SDK1: variants seen among roughly 807,000 people sequenced by gnomAD.
SDK1 encodes the protein protein sidekick-1.
Under a neutral mutation model 245.5 loss-of-function variants are expected in SDK1, and 157 were observed. The ratio of observed to expected loss-of-function variants is 0.64; its 90% CI spans 0.56 to 0.73. The LOEUF is 0.73. SDK1 is among the 30% of genes least tolerant of loss of function. The pLI is 0.00. For missense variants in SDK1, 3,583 were observed against 3,002.3 expected, an observed-to-expected ratio of 1.19 and a Z score of -4.52; for synonymous variants, 1,647 against 1,278.5, an observed-to-expected ratio of 1.29 and a Z score of -6.15.
intron 1 of SDK1, among the ~76,000 whole-genome samples, chr7:3,606,179 C>T (rs370612083): frequency 1.1e-4 from 16 of 152,150 alleles, no homozygotes; most frequent in Admixed American, 7.9e-4. Context: ...ACAACTACAT[C>T]TTTCTGGTTT....
In SDK1 at chr7:3,496,219, C is replaced by G. The variant is rs893320577; in HGVS notation, c.299-122861C>G. Among the ~76,000 whole-genome samples, 9 of 152,174 alleles carry G rather than the reference C, an allele frequency of 5.9e-5. No individual in the cohort carries two copies. The Middle Eastern group carries it at 0.01, about 173-fold the overall frequency. Reference sequence around the variant, plus strand: ...CAGTGGGACCTGTCTCGTGGGATCGCTGGAGGGTCAGATAAGTTAGCATAT... The same window carrying G: ...CAGTGGGACCTGTCTCGTGGGATCGGTGGAGGGTCAGATAAGTTAGCATAT... On this transcript the variant is annotated intron_variant, in intron 1 of 44. Coordinates refer to ENST00000404826, the MANE Select transcript of SDK1 (RefSeq NM_152744.4).
rs181949432 is a variant in SDK1 at position 3,343,435 on chromosome 7, A to G, written c.298+41551A>G. ...TATGTTGTATAATTCCATTGATGTA[A>G]TATTTATGAAATGACAAAATTCTAG... On this transcript the variant is annotated intron_variant, in intron 1 of 44. Coordinates refer to ENST00000404826, the MANE Select transcript of SDK1 (RefSeq NM_152744.4). 3.9e-5 allele frequency among the ~76,000 whole-genome samples: 6 copies of G among 152,328 alleles called. No homozygotes were observed. The East Asian group carries it at 1.2e-3, about 29-fold the overall frequency.
At chr7:4,161,933 A>G (rs1781161365) in intron 32 of SDK1, 77 bp downstream of exon 32, 4 of 1,290,568 alleles carry the variant, frequency 3.1e-6, no homozygotes, top group Middle Eastern at 1.9e-4. Context: ...AACGGCTGAC[A>G]TGGACTGCAA....
intron 1 of SDK1, among the ~76,000 whole-genome samples, chr7:3,487,015 G>A (rs917690982): frequency 1.3e-5 from 2 of 152,106 alleles, no homozygotes; most frequent in Admixed American, 6.5e-5. Context: ...ATTTTTTCTT[G>A]TAATGGGCCG....
intron 22 of SDK1, among the ~76,000 whole-genome samples, chr7:4,100,237 A>G (rs1265254273): frequency 6.6e-6 from 1 of 152,184 alleles, no homozygotes; most frequent in African/African-American, 2.4e-5. Context: ...GCGGATGGGG[A>G]GGTTGCAGGA....
At chr7:3,428,357 A>G (rs929365272) in intron 1 of SDK1, among the ~76,000 whole-genome samples, 1 of 152,188 alleles carries the variant, frequency 6.6e-6, no homozygotes, top group African/African-American at 2.4e-5. Flanking sequence ...AAATTTATGC[A>G]TCTCAGAACT....
At chr7:3,926,062 G>C (rs1022059893) in intron 5 of SDK1, among the ~76,000 whole-genome samples, 7 of 152,202 alleles carry the variant, frequency 4.6e-5, no homozygotes, top group African/African-American at 1.7e-4. Flanking sequence ...AGGGAAATCA[G>C]TGTCACCTAT....
chr7:3,577,192 C>G (rs190911291), intron 1 of SDK1, among the ~76,000 whole-genome samples: 1 of 152,044 alleles, frequency 6.6e-6, no homozygotes, highest in Non-Finnish European at 1.5e-5. Flanking sequence ...ACTGCAAGAC[C>G]CCCATAGCCC....
chr7:3,410,213 C>T (rs906487772), intron 1 of SDK1, among the ~76,000 whole-genome samples: 1 of 152,116 alleles, frequency 6.6e-6, no homozygotes, highest in Non-Finnish European at 1.5e-5. Context: ...ACTGACATGA[C>T]ACCTCAAAGT....
chr7:3,586,889 T>C (rs1780707901), intron 1 of SDK1, among the ~76,000 whole-genome samples: 1 of 152,092 alleles, frequency 6.6e-6, no homozygotes, highest in African/African-American at 2.4e-5. Context: ...GCTGGAGCTG[T>C]TGTGAGAGCC....
intron 4 of SDK1, among the ~76,000 whole-genome samples, chr7:3,755,084 G>A (rs1383329803): frequency 1.3e-5 from 2 of 152,202 alleles, no homozygotes; most frequent in Non-Finnish European, 2.9e-5. Context: ...TACCAAGGGA[G>A]CCATCCTTTG....
chr7:3,665,460 AT>A (rs75433738), intron 4 of SDK1, among the ~76,000 whole-genome samples: 38,412 of 152,130 alleles, frequency 0.25, 5,729 homozygotes, highest in East Asian at 0.38. Context: ...GTAGGGATTG[AT>A]TTTTGTTCAC....
intron 44 of SDK1, among the ~76,000 whole-genome samples, chr7:4,258,006 G>T (rs185484367): frequency 3.2e-4 from 49 of 152,302 alleles, no homozygotes; most frequent in Non-Finnish European, 6.5e-4. Context: ...GAATCACTGC[G>T]AGTTGGACGA....
intron 16 of SDK1, among the ~76,000 whole-genome samples, chr7:4,012,709 G>A (rs575603001): frequency 6.6e-6 from 1 of 151,696 alleles, no homozygotes; most frequent in Admixed American, 6.6e-5. Context: ...GAGTAGCTGG[G>A]ATTACAGGCA....
At chr7:3,614,735 A>G (rs977759212) in intron 1 of SDK1, among the ~76,000 whole-genome samples, 3 of 152,188 alleles carry the variant, frequency 2.0e-5, no homozygotes, top group Non-Finnish European at 4.4e-5. Flanking sequence ...TGGCTAATCT[A>G]TGTCAAAATA....
intron 1 of SDK1, among the ~76,000 whole-genome samples, chr7:3,323,165 C>G (rs186848702): frequency 2.0e-5 from 3 of 152,080 alleles, no homozygotes; most frequent in Admixed American, 6.5e-5. Context: ...CCCCTTCCCC[C>G]ACTCGACCGA....
intron 4 of SDK1, among the ~76,000 whole-genome samples, chr7:3,753,869 G>C (rs1049847877): frequency 2.6e-5 from 4 of 151,984 alleles, no homozygotes; most frequent in African/African-American, 9.7e-5. Context: ...TCTTTTTACT[G>C]TATTTGATAA....
At chr7:4,126,861 T>C (rs1408917887) in intron 25 of SDK1, among the ~76,000 whole-genome samples, 1 of 152,198 alleles carries the variant, frequency 6.6e-6, no homozygotes, top group Non-Finnish European at 1.5e-5. Flanking sequence ...ACCTACTTCA[T>C]TGGGATCATT....
intron 1 of SDK1, among the ~76,000 whole-genome samples, chr7:3,567,886 A>G (rs1252402452): frequency 6.6e-6 from 1 of 152,154 alleles, no homozygotes; most frequent in Non-Finnish European, 1.5e-5. Flanking sequence ...GTCATAGCTC[A>G]TTGCAGCCTC....
Sources: allele counts gnomAD v4.1 joint callset (sites outside exome capture counted in the v4.1 genomes callset), GRCh38; gene constraint gnomAD v4.1.1; transcripts MANE v1.5; gene names NCBI Gene and HGNC (gene_info 2026-07-23, HGNC 2026-07-21).